The following RBBP6 variants were observed in gnomAD, a reference collection of about 807,000 sequenced individuals.
The protein encoded by RBBP6 is RB binding protein 6, ubiquitin ligase.
Under a neutral mutation model 167.7 loss-of-function variants are expected in RBBP6, and 25 were observed. That is an observed-to-expected ratio of 0.15 (90% CI 0.11 to 0.21). The LOEUF is 0.21. Among genes scored for constraint, RBBP6 ranks in the 10% least tolerant of loss-of-function variants. The pLI, the probability that RBBP6 is intolerant of heterozygous loss-of-function variation, is 1.00. For missense variants in RBBP6, 1,868 were observed against 2,134.2 expected, an observed-to-expected ratio of 0.88 and a Z score of 2.46; for synonymous variants, 789 against 735.8, an observed-to-expected ratio of 1.07 and a Z score of -1.17.
chr16:24,541,881 T>C (rs1220020486), intron 1 of RBBP6, among the ~76,000 whole-genome samples: 7 of 152,224 alleles, frequency 4.6e-5, no homozygotes, highest in Admixed American at 4.6e-4. Flanking sequence ...TGGATTCTTT[T>C]AGTTGAAATG....
rs1262861225 is a variant in RBBP6 at position 24,569,356 on chromosome 16, A to G, written c.2666A>G (p.His889Arg). 2.4e-5 allele frequency: 38 copies of G among 1,614,094 alleles called. No homozygotes were observed. Among genetic ancestry groups the G allele is most frequent in the Non-Finnish European group, 3.1e-5 (37 of 1,180,052 alleles). ...GAAGACTATGTTGGTGGGCAAAGTC[A>G]TAGAAGTCGAAACATAGGTAGCAAC... ...RREDYVGGQSHRSRNIGSNYP... is the reference protein window; with the variant it reads ...RREDYVGGQSRRSRNIGSNYP... The change falls in exon 17 of 18, where the codon CAT becomes CGT. Residue 889 changes from histidine to arginine, a missense_variant. Physicochemically the swap from His to Arg is conservative, Grantham distance 29. Around this residue, in one of 7 missense-constraint regions of RBBP6, gnomAD observed 673 missense variants for 691.5 expected, o/e 0.97. Coordinates refer to ENST00000319715, the MANE Select transcript of RBBP6 (RefSeq NM_006910.5).
intron 3 of RBBP6, among the ~76,000 whole-genome samples, chr16:24,550,323 G>A (rs569485736): frequency 1.4e-5 from 2 of 140,800 alleles, no homozygotes; most frequent in Non-Finnish European, 1.6e-5. Flanking sequence ...AGTGTTTGGG[G>A]TTTTTTTTTC....
rs1444742538 is a variant in RBBP6, at chr16:24,539,670, A to G, written c.-957A>G. On this transcript the variant is annotated 5_prime_UTR_variant, in exon 1 of 18. Coordinates refer to ENST00000319715, the MANE Select transcript of RBBP6 (RefSeq NM_006910.5). ...CCCCCGAGCGGCAGGGGGCCAACAC[A>G]AAAAGGGAGCCGGAGAAGCCCTAGC... 6.6e-6 allele frequency: 1 copy of G among 152,146 alleles called. No individual in the cohort carries two copies. The highest frequency in any genetic ancestry group is 1.9e-4 in the East Asian group (1 of 5,168). The allele number at this position is 152,146 out of a possible 1,614,324, so 9.4% of individuals were successfully genotyped here. A position where few individuals can be genotyped will look rare whatever the true frequency, so the allele number is the denominator to read the frequency against.
At position 24,555,997 on chromosome 16, in the gene RBBP6, T is replaced by G. The variant is rs16973827; in HGVS notation, c.534+80T>G. The stretch of plus-strand genomic sequence containing the variant: ...TCCTTAGCTATCTTATTTTTCTTGG[T>G]TAATACTGCCTTCTGTAGACAATGG... On this transcript the variant is annotated intron_variant, in intron 6 of 17. Transcript: ENST00000319715. The G allele has an allele frequency of 0.11, 147,573 of 1,288,770 alleles. 9,352 individuals are homozygous for G. The highest frequency in any genetic ancestry group is 0.17 in the South Asian group (13,682 of 79,878). 79.8% of individuals were successfully genotyped at this position (1,288,770 alleles called of 1,614,324 possible). A position where few individuals can be genotyped will look rare whatever the true frequency, so the allele number is the denominator to read the frequency against.
chr16:24,563,101 C>G, intron 10 of RBBP6, 98 bp from the exon 11 acceptor site: 1 of 876,018 alleles, frequency 1.1e-6, no homozygotes, highest in Non-Finnish European at 1.8e-6. Context: ...CTTAACTCAT[C>G]TTAACTGCAG....
intron 4 of RBBP6, 33 bp downstream of exon 4, chr16:24,553,590 GT>G: frequency 6.7e-7 from 1 of 1,483,412 alleles, no homozygotes; most frequent in East Asian, 2.3e-5. Flanking sequence ...GAAAATATAA[GT>G]TTTTTTCTAA....
chr16:24,545,548 C>CT (rs1286687878), intron 1 of RBBP6, among the ~76,000 whole-genome samples: 10 of 152,090 alleles, frequency 6.6e-5, no homozygotes, highest in Non-Finnish European at 1.3e-4. Context: ...TTTCTACATG[C>CT]TTTTTTTATC....
Position 24,569,711 on chromosome 16 carries a change from A to G in RBBP6, c.3021A>G (p.Arg1007=). The change falls in exon 17 of 18, where the codon AGA becomes AGG. Residue 1007 remains arginine (R), a synonymous_variant. Transcript: ENST00000319715. ...AATCAGTGTCTGAAAAAGACAAGAG[A>G]GAAAGGGATAAACCAAAAGCAAAGG... is the stretch of plus-strand genomic sequence containing the variant. ...TFKSVSEKDK[R]ERDKPKAKGD... 4 of 1,614,130 alleles carry G rather than the reference A, an allele frequency of 2.5e-6. No homozygotes were observed. Among genetic ancestry groups the G allele is most frequent in the East Asian group, 2.2e-5 (1 of 44,876 alleles).
intron 13 of RBBP6, among the ~76,000 whole-genome samples, chr16:24,563,943 C>T (rs144707770): frequency 2.3e-3 from 349 of 151,926 alleles, no homozygotes; most frequent in Non-Finnish European, 4.4e-3. Flanking sequence ...CTTGACAGGA[C>T]TTCAGTTTAA....
At chr16:24,564,939 A>G in intron 14 of RBBP6, 74 bp downstream of exon 14, 3 of 1,528,024 alleles carry the variant, frequency 2.0e-6, no homozygotes, top group Non-Finnish European at 2.6e-6. Flanking sequence ...AAATTAAAGC[A>G]CAGCAGTGGC....
At chr16:24,559,202 T>C (rs370889681) in intron 7 of RBBP6, among the ~76,000 whole-genome samples, 5 of 152,252 alleles carry the variant, frequency 3.3e-5, no homozygotes, top group African/African-American at 1.2e-4. Flanking sequence ...AATAGAACTT[T>C]ATGGCACAGA....
At position 24,563,617 on chromosome 16, in the gene RBBP6, A is replaced by T; in HGVS notation, c.1473A>T (p.Val491=). The T allele has an allele frequency of 6.2e-7, 1 of 1,612,522 alleles. No homozygotes were observed. The highest frequency in any genetic ancestry group is 1.3e-5 in the African/African-American group (1 of 74,444). Residue 491 remains valine, a synonymous_variant, in exon 13 of 18, where the codon GTA becomes GTT. Coordinates refer to ENST00000319715, the MANE Select transcript of RBBP6 (RefSeq NM_006910.5). ...HGQLIPTTGP[V]RINTARPGGG... is the part of the protein sequence containing the mutation. Reference sequence around the variant, plus strand: ...TTTATTTTTTGTTTCTAGGTCCAGTAAGAATAAATACTGCTCGTCCAGGTG... The same window carrying T: ...TTTATTTTTTGTTTCTAGGTCCAGTTAGAATAAATACTGCTCGTCCAGGTG...
chr16:24,567,269 T>C lies in RBBP6; in HGVS notation c.1716T>C (p.Leu572=), dbSNP rs1899217386. ...TGTATCCGCCTCCTCCCCATACACTTCCTCTCCCTCCGGGTGTTCCTCCTC... is the reference window on the plus strand; with the variant it reads ...TGTATCCGCCTCCTCCCCATACACTCCCTCTCCCTCCGGGTGTTCCTCCTC... ...PPLYPPPPHT[L]PLPPGVPPPQ... Residue 572 remains leucine, a synonymous_variant, in exon 15 of 18, where the codon CTT becomes CTC. Transcript: ENST00000319715. 6.2e-7 allele frequency: 1 copy of C among 1,613,998 alleles called. No homozygotes were observed.
chr16:24,570,252 A>G lies in RBBP6; in HGVS notation c.3562A>G (p.Thr1188Ala), dbSNP rs1410927270. 1 of 1,613,038 alleles carries G rather than the reference A, an allele frequency of 6.2e-7. No individual in the cohort carries two copies. Among genetic ancestry groups the G allele is most frequent in the East Asian group, 2.2e-5 (1 of 44,870 alleles). Residue 1188 changes from threonine (T) to alanine (A), a missense_variant, in exon 17 of 18, where the codon ACT becomes GCT. Coordinates refer to ENST00000319715, the MANE Select transcript of RBBP6 (RefSeq NM_006910.5). ...PSPKRKMEPD[T>A]EKMDRTPEKD... is the part of the protein sequence containing the mutation. ...ACCAAAGCGCAAAATGGAACCTGAT[A>G]CTGAAAAAATGGATAGGACCCCTGA...
intron 8 of RBBP6, among the ~76,000 whole-genome samples, chr16:24,560,045 GGATTGTGAATA>G (rs1899009569): frequency 6.6e-6 from 1 of 151,470 alleles, no homozygotes; most frequent in Admixed American, 6.6e-5. Flanking sequence ...TCTTTTTCCT[GGATTGTGAATA>G]GCTTATCCTA....
intron 14 of RBBP6, among the ~76,000 whole-genome samples, chr16:24,565,729 A>G (rs990506654): frequency 3.3e-5 from 5 of 152,226 alleles, no homozygotes; most frequent in Non-Finnish European, 7.3e-5. Context: ...CTGCTAGTCT[A>G]GGTCATAATC....
At chr16:24,567,079 T>C (rs1899212207) in intron 14 of RBBP6, 64 bp from the exon 15 acceptor site, 3 of 1,484,686 alleles carry the variant, frequency 2.0e-6, no homozygotes, top group Non-Finnish European at 2.8e-6. Flanking sequence ...ATAGAAGAGA[T>C]AAGCTTACTT....
chr16:24,547,917 C>T (rs1014667622), intron 2 of RBBP6, among the ~76,000 whole-genome samples: 2 of 152,048 alleles, frequency 1.3e-5, no homozygotes, highest in African/African-American at 4.8e-5. Context: ...AATAAGTTGC[C>T]TCTTACACAG....
At chr16:24,541,474 T>C (rs925527379) in intron 1 of RBBP6, among the ~76,000 whole-genome samples, 3 of 152,234 alleles carry the variant, frequency 2.0e-5, no homozygotes, top group African/African-American at 7.2e-5. Flanking sequence ...TTCATCACAT[T>C]ACTCTTAAGC....
Sources: gnomAD v4.1 joint callset for allele counts (sites outside exome capture counted in the v4.1 genomes callset) on GRCh38, gnomAD v4.1.1 for gene constraint, gnomAD v4.1.1 regional missense constraint, MANE v1.5 for transcripts, NCBI Gene and HGNC (gene_info 2026-07-23, HGNC 2026-07-21) for gene names.